RAB3GAP2: variants seen among roughly 807,000 people sequenced by gnomAD.
RAB3GAP2 encodes the protein rab3 GTPase-activating protein non-catalytic subunit.
Under a neutral mutation model 185.3 loss-of-function variants are expected in RAB3GAP2, and 87 were observed. That is an observed-to-expected ratio of 0.47 (90% CI 0.39 to 0.56). The LOEUF is 0.56. Ranked by LOEUF, RAB3GAP2 falls within the 20% of genes least tolerant of loss-of-function variation. The pLI, the probability that RAB3GAP2 is intolerant of heterozygous loss-of-function variation, is 0.00. For missense variants in RAB3GAP2, 1,492 were observed against 1,638.2 expected, an observed-to-expected ratio of 0.91 and a Z score of 1.54; for synonymous variants, 554 against 576.1, an observed-to-expected ratio of 0.96 and a Z score of 0.55.
chr1:220,205,494 T>C (rs1282781102), intron 8 of RAB3GAP2, among the ~76,000 whole-genome samples: 1 of 152,078 alleles, frequency 6.6e-6, no homozygotes, highest in Non-Finnish European at 1.5e-5. Context: ...CATCAGATTT[T>C]AGGATGCTGG....
chr1:220,258,459 A>G (rs879163382), intron 1 of RAB3GAP2, among the ~76,000 whole-genome samples: 1 of 152,134 alleles, frequency 6.6e-6, no homozygotes, highest in Non-Finnish European at 1.5e-5. Flanking sequence ...GTGATTTATC[A>G]CATAAACAGA....
chr1:220,193,541 T>C (rs1658665007), intron 12 of RAB3GAP2, among the ~76,000 whole-genome samples, 162 bp from the exon 13 acceptor site: 1 of 152,220 alleles, frequency 6.6e-6, no homozygotes, highest in South Asian at 2.1e-4. Flanking sequence ...CAACTGACAT[T>C]TGTAATATAA....
chr1:220,267,765 G>C, intron 1 of RAB3GAP2: 3 of 1,533,424 alleles, frequency 2.0e-6, no homozygotes, highest in Non-Finnish European at 2.7e-6. Flanking sequence ...CGAAGAATTT[G>C]AAGGACACAA....
intron 16 of RAB3GAP2, 53 bp downstream of exon 16, chr1:220,190,011 T>C: frequency 7.1e-7 from 1 of 1,405,942 alleles, no homozygotes; most frequent in Non-Finnish European, 1.0e-6. Context: ...ATTTTATTGA[T>C]TTAAAAGATG....
intron 1 of RAB3GAP2, among the ~76,000 whole-genome samples, chr1:220,262,090 C>G (rs1048176601): frequency 6.7e-6 from 1 of 150,224 alleles, no homozygotes; most frequent in East Asian, 2.0e-4. Flanking sequence ...GAGATCGAGA[C>G]CATCCTGGCT....
chr1:220,190,666 G>C (rs1571891178), intron 14 of RAB3GAP2, 146 bp from the exon 15 acceptor site: 1 of 797,874 alleles, frequency 1.3e-6, no homozygotes, highest in East Asian at 2.6e-5. Flanking sequence ...AAGTACATAA[G>C]TAAAGCAGGG....
intron 8 of RAB3GAP2, among the ~76,000 whole-genome samples, chr1:220,205,202 CA>C (rs1218423639): frequency 6.6e-6 from 1 of 152,028 alleles, no homozygotes; most frequent in African/African-American, 2.4e-5. Flanking sequence ...ATATCTCTTC[CA>C]AAAGATGTAA....
intron 19 of RAB3GAP2, 148 bp downstream of exon 19, chr1:220,183,888 A>G: frequency 3.4e-6 from 2 of 589,676 alleles, no homozygotes; most frequent in Middle Eastern, 5.1e-4. Flanking sequence ...AGCAAAGCAC[A>G]GAGAGCTAGC....
rs374633963 is a variant in RAB3GAP2, at chr1:220,182,940, C to G, written c.1999-9G>C. ...AGTAACAGAGCCAAGTCCTTTAAAA[C>G]AGAAAACAAAACAAAACAACATTCC... On this transcript the variant is annotated splice_polypyrimidine_tract_variant and intron_variant, in intron 19 of 34. Transcript: ENST00000358951. 1.9e-6 allele frequency: 3 copies of G among 1,599,690 alleles called. No individual in the cohort carries two copies. In the African/African-American group the frequency reaches 4.0e-5, roughly 21 times the overall value.
chr1:220,254,221 G>A (rs1659992705), intron 1 of RAB3GAP2: 1 of 1,613,424 alleles, frequency 6.2e-7, no homozygotes, highest in South Asian at 1.1e-5. Context: ...TAATGAAGTT[G>A]TGGCAGGGAT....
rs141462924 is a variant in RAB3GAP2 at position 220,226,665 on chromosome 1, T to C, written c.180+6134A>G. ...GTTTGTTCTGCTTGCCTTTTCAGTC[T>C]CTTATTGTATTTACTTATAGGCAAG... On this transcript the variant is annotated intron_variant, in intron 2 of 34. Transcript: ENST00000358951. 8.6e-3 allele frequency among the ~76,000 whole-genome samples: 1,303 copies of C among 152,246 alleles called. 4 individuals are homozygous for C. Among genetic ancestry groups the C allele is most frequent in the Middle Eastern group, 0.017 (5 of 294 alleles).
At position 220,269,183 on chromosome 1, in the gene RAB3GAP2, G is replaced by A. The variant is rs527394388; in HGVS notation, c.115+3040C>T. 5.9e-5 allele frequency among the ~76,000 whole-genome samples: 9 copies of A among 152,336 alleles called. No homozygotes were observed. In the South Asian group the frequency reaches 1.5e-3, roughly 25 times the overall value. ...TGAGCTGAGACTTGAATGACAAGAT[G>A]CAACTAGCATGCAAAGATCTGCAAA... On this transcript the variant is annotated intron_variant, in intron 1 of 34. Transcript: ENST00000358951.
intron 17 of RAB3GAP2, among the ~76,000 whole-genome samples, chr1:220,189,372 A>G (rs200652963): frequency 5.3e-5 from 8 of 151,772 alleles, no homozygotes; most frequent in Non-Finnish European, 8.8e-5. Flanking sequence ...GCCCGCCAAT[A>G]CTGACCCAAC....
At chr1:220,245,977 C>T (rs1371031866) in intron 1 of RAB3GAP2, among the ~76,000 whole-genome samples, 1 of 152,170 alleles carries the variant, frequency 6.6e-6, no homozygotes, top group African/African-American at 2.4e-5. Flanking sequence ...AGAAGGAAAA[C>T]TAACAAACAG....
At position 220,151,737 on chromosome 1, in the gene RAB3GAP2, C is replaced by T; in HGVS notation, c.3895G>A (p.Val1299Ile). 6.2e-7 allele frequency: 1 copy of T among 1,611,826 alleles called. No homozygotes were observed. Among genetic ancestry groups the T allele is most frequent in the Non-Finnish European group, 8.5e-7 (1 of 1,177,954 alleles). The change falls in exon 34 of 35, where the codon GTC becomes ATC. Residue 1299 changes from valine (V) to isoleucine (I), a missense_variant. Coordinates refer to ENST00000358951, the MANE Select transcript of RAB3GAP2 (RefSeq NM_012414.4). ...AGCACCAGCAGCTGAGAGGCAAGGACCTCTTTGTCATGAACCTGTAGAATG... is the reference window on the plus strand; with the variant it reads ...AGCACCAGCAGCTGAGAGGCAAGGATCTCTTTGTCATGAACCTGTAGAATG... ...EAILQVHDKE[V>I]LASQLLVLTG...
chr1:220,267,267 T>A, intron 1 of RAB3GAP2: 1 of 903,950 alleles, frequency 1.1e-6, no homozygotes, highest in Non-Finnish European at 1.9e-6. Flanking sequence ...CTGTATTGAC[T>A]GTTTCAAGTG....
At chr1:220,232,699 A>G (rs1659523068) in intron 2 of RAB3GAP2, 100 bp downstream of exon 2, 7 of 1,106,096 alleles carry the variant, frequency 6.3e-6, no homozygotes, top group Non-Finnish European at 8.3e-6. Context: ...TATTCTTGAC[A>G]TCGAATTTAA....
intron 1 of RAB3GAP2, among the ~76,000 whole-genome samples, chr1:220,240,233 T>C (rs759275086): frequency 1.8e-4 from 28 of 152,312 alleles, no homozygotes; most frequent in Admixed American, 2.0e-4. Context: ...GTGGCCATGT[T>C]ACAACTGTAT....
intron 21 of RAB3GAP2, among the ~76,000 whole-genome samples, chr1:220,179,637 A>G (rs942049918): frequency 6.6e-6 from 1 of 152,228 alleles, no homozygotes; most frequent in African/African-American, 2.4e-5. Flanking sequence ...ACAATTCTCA[A>G]CAAATTTTAA....
Sources: allele counts gnomAD v4.1 joint callset (sites outside exome capture counted in the v4.1 genomes callset), GRCh38; gene constraint gnomAD v4.1.1; transcripts MANE v1.5; gene names NCBI Gene and HGNC (gene_info 2026-07-23, HGNC 2026-07-21).